PLPPR1: variants seen among roughly 807,000 people sequenced by gnomAD.
PLPPR1 encodes phospholipid phosphatase related 1, also known as phospholipid phosphatase-related protein type 1.
A neutral mutation model predicts 33.1 loss-of-function variants in PLPPR1; 10 were observed. The ratio of observed to expected loss-of-function variants is 0.30; its 90% confidence interval spans 0.19 to 0.51. The LOEUF is 0.51. Ranked by LOEUF, PLPPR1 falls within the 20% of genes least tolerant of loss-of-function variation. PLPPR1 has a pLI of 0.97. For missense variants in PLPPR1, 304 were observed against 408.1 expected (o/e 0.74, Z 2.20); for synonymous variants, 151 against 151.0 (o/e 1.00, Z 0.00).
Position 101,064,399 on chromosome 9 carries a change from G to GGAAT in PLPPR1, c.-46+35315_-46+35318dup, listed in dbSNP as rs532176779. 3.6e-4 allele frequency among the ~76,000 whole-genome samples: 54 copies of GGAAT among 152,050 alleles called. 1 individual carries two copies. The South Asian group carries it at 6.6e-3, about 19-fold the overall frequency. ...ATAGGGTTATGGAATGAATATTTAT[G>GGAAT]GAATGAATGAATGAATGAATGGGGT... On this transcript the variant is annotated intron_variant, in intron 1 of 7. Transcript: ENST00000374874.
chr9:101,241,402 A>G (rs1210252709), intron 2 of PLPPR1, among the ~76,000 whole-genome samples: 2 of 152,032 alleles, frequency 1.3e-5, no homozygotes, highest in Non-Finnish European at 2.9e-5. Flanking sequence ...AAAATATACT[A>G]ACACTAACAG....
intron 2 of PLPPR1, among the ~76,000 whole-genome samples, chr9:101,234,773 T>TA (rs1827266155): frequency 6.6e-6 from 1 of 151,972 alleles, no homozygotes; most frequent in Non-Finnish European, 1.5e-5. Context: ...TAAATGAAGA[T>TA]AAAATCTGAA....
intron 1 of PLPPR1, among the ~76,000 whole-genome samples, chr9:101,054,213 CA>C (rs548015429): frequency 8.0e-4 from 121 of 152,004 alleles, no homozygotes; most frequent in African/African-American, 2.5e-3. Flanking sequence ...ACAAAACACA[CA>C]AAAAAATCCT....
At chr9:101,109,285 T>A (rs1238495707) in intron 1 of PLPPR1, among the ~76,000 whole-genome samples, 1 of 152,006 alleles carries the variant, frequency 6.6e-6, no homozygotes, top group Non-Finnish European at 1.5e-5. Flanking sequence ...GTCCTCAGTA[T>A]TTTTGAAGGG....
At position 101,204,439 on chromosome 9, in the gene PLPPR1, A is replaced by G. The variant is rs1331555649; in HGVS notation, c.63+18882A>G. ...TGACCTTCCCACCTGGATCCTCTCCACCTGAATGCCTAGGCTTTGCTGATG... is the reference window on the plus strand; with the variant it reads ...TGACCTTCCCACCTGGATCCTCTCCGCCTGAATGCCTAGGCTTTGCTGATG... On this transcript the variant is annotated intron_variant, in intron 2 of 7. Coordinates refer to ENST00000374874, the MANE Select transcript of PLPPR1 (RefSeq NM_207299.2). Among the ~76,000 whole-genome samples the G allele has an allele frequency of 2.6e-5, 4 of 152,164 alleles. No homozygotes were observed. In the South Asian group the frequency reaches 8.3e-4, roughly 32 times the overall value.
At chr9:101,123,938 C>T (rs59191507) in intron 1 of PLPPR1, among the ~76,000 whole-genome samples, 9,591 of 152,168 alleles carry the variant, frequency 0.063, 992 homozygotes, top group African/African-American at 0.22. Flanking sequence ...CAGACATGTT[C>T]CAAGACTCTT....
rs1386890259 is a variant in PLPPR1, at chr9:101,266,479, G to A, written c.64-3401G>A. The stretch of plus-strand genomic sequence containing the variant: ...AGTTTCTGGCTTCTGGCTGCTCGGG[G>A]GAAGAGCCAAGGCAAGCCAATTCAT... On this transcript the variant is annotated intron_variant, in intron 2 of 7. Transcript: ENST00000374874. 7.2e-5 allele frequency among the ~76,000 whole-genome samples: 11 copies of A among 152,160 alleles called. No homozygotes were observed. In the East Asian group the frequency reaches 2.1e-3, roughly 29 times the overall value.
At chr9:101,272,216 A>G (rs1828114435) in intron 3 of PLPPR1, among the ~76,000 whole-genome samples, 2 of 152,210 alleles carry the variant, frequency 1.3e-5, no homozygotes, top group South Asian at 2.1e-4. Context: ...TGCCAACAGA[A>G]TAAAATTTTA....
At chr9:101,124,213 C>A (rs1400415183) in intron 1 of PLPPR1, among the ~76,000 whole-genome samples, 4 of 152,016 alleles carry the variant, frequency 2.6e-5, no homozygotes, top group African/African-American at 9.6e-5. Flanking sequence ...GGTTTGAATA[C>A]TTCCCACACA....
chr9:101,070,734 G>T (rs553609986), intron 1 of PLPPR1, among the ~76,000 whole-genome samples: 124 of 152,024 alleles, frequency 8.2e-4, no homozygotes, highest in African/African-American at 2.9e-3. Flanking sequence ...CTCAACATTT[G>T]TAACCTTCTA....
intron 2 of PLPPR1, among the ~76,000 whole-genome samples, chr9:101,240,921 G>C (rs1232840347): frequency 1.3e-5 from 2 of 152,010 alleles, no homozygotes; most frequent in East Asian, 3.9e-4. Flanking sequence ...TTTGCTAAGT[G>C]TATAGGTAGC....
intron 1 of PLPPR1, among the ~76,000 whole-genome samples, chr9:101,110,400 G>A (rs1831041317): frequency 2.0e-5 from 3 of 152,124 alleles, no homozygotes; most frequent in Admixed American, 2.0e-4. Flanking sequence ...GCAATATGGA[G>A]ACATCTAGCA....
At chr9:101,319,478 G>A (rs1298881975) in intron 7 of PLPPR1, among the ~76,000 whole-genome samples, 3 of 152,098 alleles carry the variant, frequency 2.0e-5, no homozygotes, top group Non-Finnish European at 2.9e-5. Flanking sequence ...TGGGGGGGTT[G>A]GAACAAGAAA....
At chr9:101,078,113 GAA>G (rs1830564544) in intron 1 of PLPPR1, among the ~76,000 whole-genome samples, 1 of 11,120 alleles carries the variant, frequency 9.0e-5, no homozygotes, top group Non-Finnish European at 1.6e-4. Context: ...AGAAGAAGAA[GAA>G]GAAGAAGAAG....
At chr9:101,113,277 T>A (rs1326320147) in intron 1 of PLPPR1, among the ~76,000 whole-genome samples, 5 of 152,030 alleles carry the variant, frequency 3.3e-5, no homozygotes, top group Non-Finnish European at 7.4e-5. Context: ...CTGGTTCTGA[T>A]TTACTTGAAC....
intron 2 of PLPPR1, among the ~76,000 whole-genome samples, chr9:101,259,392 A>G (rs539260126): frequency 2.0e-5 from 3 of 152,170 alleles, no homozygotes; most frequent in Non-Finnish European, 4.4e-5. Context: ...AAATTGCTGG[A>G]TTTACCTAGA....
At chr9:101,078,107 GA>G (rs1830563903) in intron 1 of PLPPR1, among the ~76,000 whole-genome samples, 1 of 1,986 alleles carries the variant, frequency 5.0e-4, no homozygotes, top group Non-Finnish European at 1.0e-3. Context: ...AGAAGGAGAA[GA>G]AGAAGAAGAA....
intron 1 of PLPPR1, among the ~76,000 whole-genome samples, chr9:101,170,527 A>G (rs904147802): frequency 7.2e-5 from 11 of 152,216 alleles, no homozygotes; most frequent in Non-Finnish European, 1.3e-4. Flanking sequence ...CTATAATTCA[A>G]GATGAGATCT....
chr9:101,321,494 GCAT>G (rs1829147671), intron 7 of PLPPR1, among the ~76,000 whole-genome samples: 1 of 152,004 alleles, frequency 6.6e-6, no homozygotes, highest in Admixed American at 6.6e-5. Context: ...GTTTTTCAAA[GCAT>G]TATTTTATGA....
Sources: gnomAD v4.1 joint callset for allele counts (sites outside exome capture counted in the v4.1 genomes callset) on GRCh38, gnomAD v4.1.1 for gene constraint, MANE v1.5 for transcripts, NCBI Gene and HGNC (gene_info 2026-07-23, HGNC 2026-07-21) for gene names.